Variants in RASGRF1 observed in about 807,000 individuals in gnomAD.
RASGRF1 encodes the protein ras-specific guanine nucleotide-releasing factor 1.
In RASGRF1, 40 loss-of-function variants were observed where a neutral mutation model predicts 138.7. The observed-to-expected ratio is 0.29, with a 90% confidence interval of 0.22 to 0.38. The LOEUF is 0.38. Among genes scored for constraint, RASGRF1 ranks in the 10% least tolerant of loss-of-function variants. RASGRF1 has a pLI of 1.00. For synonymous variants in RASGRF1, 614 were observed against 663.2 expected (o/e 0.93, Z 1.14); for missense variants, 1,108 against 1,650.4 (o/e 0.67, Z 5.69).
rs773752795 is a variant in RASGRF1, at chr15:78,971,860, G to T, written c.3681+6C>A. ...ATGCAAGTGACCAGGAAAAGGCACA[G>T]CTTACCTTTGCTTGGTGCTCTATTT... On this transcript the variant is annotated splice_donor_region_variant and intron_variant, in intron 26 of 26. Coordinates refer to ENST00000558480, the MANE Select transcript of RASGRF1 (RefSeq NM_001145648.3). The T allele has an allele frequency of 6.4e-7, 1 of 1,569,532 alleles. No individual in the cohort carries two copies. Among genetic ancestry groups the T allele is most frequent in the Non-Finnish European group, 8.8e-7 (1 of 1,139,420 alleles).
In RASGRF1 at chr15:79,025,220, T is replaced by G. The variant is rs576071751; in HGVS notation, c.1542+94A>C. ...TGCATGCACACGTCTCTGACACCCC[T>G]GCCCACCACCTGGGCCCATAGACCC... On this transcript the variant is annotated intron_variant, in intron 10 of 26. Transcript: ENST00000558480. The G allele has an allele frequency of 1.7e-4, 230 of 1,392,966 alleles. 1 individual carries two copies. In the East Asian group the frequency reaches 5.5e-3, roughly 33 times the overall value. 86.3% of individuals were successfully genotyped at this position (1,392,966 alleles called of 1,614,324 possible).
intron 2 of RASGRF1, among the ~76,000 whole-genome samples, chr15:79,061,411 AAAATAT>A (rs925070729): frequency 6.7e-4 from 18 of 27,050 alleles, no homozygotes; most frequent in African/African-American, 5.3e-3. Flanking sequence ...CACTATCTTT[AAAATAT>A]ATATATATAT....
intron 22 of RASGRF1, among the ~76,000 whole-genome samples, chr15:78,986,459 A>G (rs1331912538): frequency 1.3e-5 from 2 of 151,244 alleles, no homozygotes; most frequent in Non-Finnish European, 1.5e-5. Context: ...CGATTCTCCT[A>G]CCACAACCTC....
intron 11 of RASGRF1, 116 bp downstream of exon 11, chr15:79,019,925 C>T (rs1336737195): frequency 3.4e-5 from 44 of 1,288,680 alleles, no homozygotes; most frequent in Middle Eastern, 2.5e-4. Context: ...CTCCCCTCCG[C>T]ACTTCAGCAT....
At chr15:79,072,885 C>A (rs1567616014) in intron 1 of RASGRF1, among the ~76,000 whole-genome samples, 1 of 152,224 alleles carries the variant, frequency 6.6e-6, no homozygotes, top group Non-Finnish European at 1.5e-5. Flanking sequence ...CCAACCAGAG[C>A]TACCCAGAGC....
At chr15:79,090,190 C>G in intron 1 of RASGRF1, 33 bp downstream of exon 1, 8 of 1,560,038 alleles carry the variant, frequency 5.1e-6, no homozygotes, top group Middle Eastern at 2.2e-4. Context: ...GCGGCCGGGA[C>G]GCAGGGAGGT....
rs369719998 is a variant in RASGRF1 at position 79,090,215 on chromosome 15, C to T, written c.276+8G>A. On this transcript the variant is annotated splice_region_variant and intron_variant, in intron 1 of 26. Transcript: ENST00000558480. ...CGCAGGGAGGTCAGGACGCGACGCTCGCCTCACCTGTTTCTCCAGCGGCTC... is the reference window on the plus strand; with the variant it reads ...CGCAGGGAGGTCAGGACGCGACGCTTGCCTCACCTGTTTCTCCAGCGGCTC... The T allele has an allele frequency of 1.1e-5, 17 of 1,595,452 alleles. No individual in the cohort carries two copies. The highest frequency in any genetic ancestry group is 7.8e-5 in the South Asian group (7 of 89,954).
chr15:78,991,904 T>C, intron 20 of RASGRF1, 110 bp from the exon 21 acceptor site: 2 of 774,684 alleles, frequency 2.6e-6, no homozygotes, highest in Non-Finnish European at 4.5e-6. Flanking sequence ...GGTGGGCGGG[T>C]GGACGGGGTA....
At chr15:78,993,114 G>T (rs2056306864) in intron 20 of RASGRF1, among the ~76,000 whole-genome samples, 1 of 143,378 alleles carries the variant, frequency 7.0e-6, no homozygotes. Flanking sequence ...GTGGTGTGGG[G>T]TGTGTGCATG....
chr15:79,031,220 G>A (rs2091359830), intron 8 of RASGRF1, among the ~76,000 whole-genome samples, 180 bp downstream of exon 8: 3 of 152,188 alleles, frequency 2.0e-5, no homozygotes, highest in Admixed American at 6.5e-5. Context: ...CGGGGCTTGA[G>A]TTGTAACCCC....
Position 78,985,021 on chromosome 15 carries a change from T to C in RASGRF1, c.3400A>G (p.Lys1134Glu), listed in dbSNP as rs2056119890. The change falls in exon 23 of 27, where the codon AAA becomes GAA. Residue 1134 changes from lysine to glutamate, a missense_variant. Transcript: ENST00000558480. ...AIFRLKKTWL[K>E]VSKQTKALID... ...CCTGCCCGCACCTGCTTAGAGACTT[T>C]GAGCCACGTCTTTTTGAGCCGGAAG... The C allele has an allele frequency of 3.1e-6, 5 of 1,614,108 alleles. No homozygotes were observed. Among genetic ancestry groups the C allele is most frequent in the Non-Finnish European group, 4.2e-6 (5 of 1,179,952 alleles).
At chr15:79,043,428 G>A (rs2057320915) in intron 5 of RASGRF1, among the ~76,000 whole-genome samples, 1 of 152,132 alleles carries the variant, frequency 6.6e-6, no homozygotes, top group African/African-American at 2.4e-5. Flanking sequence ...TGGAGCACCT[G>A]GGCTACGCTG....
chr15:78,977,863 G>C (rs775805393), intron 24 of RASGRF1, among the ~76,000 whole-genome samples: 2 of 152,242 alleles, frequency 1.3e-5, no homozygotes, highest in Non-Finnish European at 2.9e-5. Context: ...CCCCAAAAAT[G>C]CTGGTGACCA....
chr15:78,978,847 A>G, intron 24 of RASGRF1: 1 of 1,184,936 alleles, frequency 8.4e-7, no homozygotes, highest in East Asian at 5.9e-5. Context: ...TGGTTTGCAT[A>G]AAGCTCTTAG....
chr15:79,069,215 A>G (rs562783354), intron 1 of RASGRF1, among the ~76,000 whole-genome samples: 35 of 152,308 alleles, frequency 2.3e-4, no homozygotes, highest in African/African-American at 8.4e-4. Flanking sequence ...TGAGTGAATG[A>G]ACAGACACAT....
chr15:78,998,687 C>T, intron 18 of RASGRF1, 32 bp downstream of exon 18: 1 of 1,566,572 alleles, frequency 6.4e-7, no homozygotes, highest in Non-Finnish European at 8.8e-7. Flanking sequence ...TGGTGGTCCC[C>T]AGCAGCCTGC....
chr15:78,970,640 AAAAAAG>A (rs1199784163), intron 26 of RASGRF1, among the ~76,000 whole-genome samples: 3 of 150,402 alleles, frequency 2.0e-5, no homozygotes, highest in South Asian at 2.1e-4. Context: ...AAAAAAAAAA[AAAAAAG>A]AAAAAGAAAA....
At chr15:78,962,391 A>T (rs564768052) in intron 26 of RASGRF1, among the ~76,000 whole-genome samples, 155 bp from the exon 27 acceptor site, 17 of 152,308 alleles carry the variant, frequency 1.1e-4, no homozygotes, top group African/African-American at 3.4e-4. Flanking sequence ...TTCCATCTTG[A>T]CATAAGTTTT....
At chr15:79,034,704 G>T (rs1241641047) in intron 6 of RASGRF1, among the ~76,000 whole-genome samples, 1 of 151,830 alleles carries the variant, frequency 6.6e-6, no homozygotes, top group Non-Finnish European at 1.5e-5. Flanking sequence ...CACACAGCAA[G>T]ATACAAATTC....
Sources: gnomAD v4.1 joint callset for allele counts (sites outside exome capture counted in the v4.1 genomes callset) on GRCh38, gnomAD v4.1.1 for gene constraint, MANE v1.5 for transcripts, NCBI Gene and HGNC (gene_info 2026-07-23, HGNC 2026-07-21) for gene names.